Variants in LRP1B observed in about 807,000 individuals in gnomAD.
The protein encoded by LRP1B is low-density lipoprotein receptor-related protein 1B.
A neutral mutation model predicts 556.6 loss-of-function variants in LRP1B; 217 were observed. That is an observed-to-expected ratio of 0.39 (90% CI 0.35 to 0.44). LRP1B has a LOEUF of 0.44. Among genes scored for constraint, LRP1B ranks in the 20% least tolerant of loss-of-function variants. LRP1B has a pLI of 1.00. For missense variants in LRP1B, 5,053 were observed against 5,620.8 expected, an observed-to-expected ratio of 0.90 and a Z score of 3.23; for synonymous variants, 2,047 against 1,865.8, an observed-to-expected ratio of 1.10 and a Z score of -2.50.
intron 16 of LRP1B, among the ~76,000 whole-genome samples, chr2:140,989,934 G>A (rs1359313266): frequency 6.6e-6 from 1 of 152,054 alleles, no homozygotes; most frequent in Non-Finnish European, 1.5e-5. Flanking sequence ...GGCCAGGCGT[G>A]GTGGCTCACG....
intron 32 of LRP1B, among the ~76,000 whole-genome samples, chr2:140,795,323 T>G (rs1022999137): frequency 6.6e-6 from 1 of 152,182 alleles, no homozygotes; most frequent in Non-Finnish European, 1.5e-5. Context: ...CTGAGTACTG[T>G]TCATTTTTGA....
intron 90 of LRP1B, 126 bp downstream of exon 90, chr2:140,234,660 C>T: frequency 1.7e-6 from 1 of 584,642 alleles, no homozygotes. Context: ...AATTTAAATG[C>T]TATTTTGAAA....
chr2:140,429,874 A>T (rs1178186848), intron 66 of LRP1B, among the ~76,000 whole-genome samples: 1 of 151,580 alleles, frequency 6.6e-6, no homozygotes, highest in African/African-American at 2.4e-5. Context: ...AACTTCCAAA[A>T]TCTATTTTCT....
intron 52 of LRP1B, among the ~76,000 whole-genome samples, chr2:140,508,492 G>T (rs1689514741): frequency 6.6e-6 from 1 of 152,012 alleles, no homozygotes; most frequent in African/African-American, 2.4e-5. Flanking sequence ...ACACATAAGG[G>T]TTTTTAAAAT....
At chr2:141,013,142 T>TA (rs1427244898) in intron 14 of LRP1B, among the ~76,000 whole-genome samples, 1 of 151,988 alleles carries the variant, frequency 6.6e-6, no homozygotes, top group African/African-American at 2.4e-5. Flanking sequence ...TAAGATACTT[T>TA]TAAAAAATAA....
chr2:141,160,076 T>C (rs190028718), intron 7 of LRP1B, among the ~76,000 whole-genome samples: 1 of 151,984 alleles, frequency 6.6e-6, no homozygotes, highest in Non-Finnish European at 1.5e-5. Context: ...GTAACAAACC[T>C]GCATGTTCTG....
intron 3 of LRP1B, among the ~76,000 whole-genome samples, chr2:141,409,511 G>T (rs1352513906): frequency 6.6e-6 from 1 of 152,050 alleles, no homozygotes; most frequent in East Asian, 1.9e-4. Flanking sequence ...CTTCCACAGA[G>T]TATAAAACCC....
chr2:140,944,570 C>T (rs1338371579), intron 20 of LRP1B, among the ~76,000 whole-genome samples: 4 of 152,102 alleles, frequency 2.6e-5, no homozygotes, highest in Non-Finnish European at 1.5e-5. Flanking sequence ...CCATCGTGAT[C>T]AGTAGGCTTT....
At position 141,332,210 on chromosome 2, in the gene LRP1B, T is replaced by C. The variant is rs930979923; in HGVS notation, c.344-77569A>G. 1.1e-3 allele frequency among the ~76,000 whole-genome samples: 164 copies of C among 152,202 alleles called. 1 individual carries two copies. Among genetic ancestry groups the C allele is most frequent in the African/African-American group, 3.7e-3 (155 of 41,552 alleles). ...ACCTATTTCCTAACACAAATCCTGA[T>C]GACTTGTTACATTAATTAATTTACT... is the stretch of plus-strand genomic sequence containing the variant. On this transcript the variant is annotated intron_variant, in intron 3 of 90. Coordinates refer to ENST00000389484, the MANE Select transcript of LRP1B (RefSeq NM_018557.3).
At chr2:140,530,673 A>G (rs903945665) in intron 47 of LRP1B, among the ~76,000 whole-genome samples, 11 of 152,174 alleles carry the variant, frequency 7.2e-5, no homozygotes, top group African/African-American at 2.7e-4. Flanking sequence ...ATTTCTATTA[A>G]GTAATAAAGT....
At chr2:141,516,694 T>TC (rs1684324688) in intron 2 of LRP1B, among the ~76,000 whole-genome samples, 1 of 43,562 alleles carries the variant, frequency 2.3e-5, no homozygotes, top group African/African-American at 7.9e-5. Flanking sequence ...CTCTCTCTCT[T>TC]TTTTTTTTTT....
intron 50 of LRP1B, among the ~76,000 whole-genome samples, chr2:140,516,511 T>C (rs1258801530): frequency 1.3e-5 from 2 of 152,012 alleles, no homozygotes; most frequent in African/African-American, 4.8e-5. Context: ...ATACCAATAA[T>C]AGGTGGGGGA....
At chr2:140,362,187 A>C (rs1319605050) in intron 72 of LRP1B, among the ~76,000 whole-genome samples, 1 of 151,560 alleles carries the variant, frequency 6.6e-6, no homozygotes, top group African/African-American at 2.4e-5. Context: ...AATCCTTTCT[A>C]TCCCATATTT....
chr2:141,256,105 T>A (rs942597786), intron 3 of LRP1B, among the ~76,000 whole-genome samples: 15 of 151,828 alleles, frequency 9.9e-5, no homozygotes, highest in African/African-American at 3.4e-4. Flanking sequence ...AAAACACATA[T>A]GCTAAATAAA....
In LRP1B at chr2:140,853,681, A is replaced by G. The variant is rs551224329; in HGVS notation, c.4580-1898T>C. Among the ~76,000 whole-genome samples, 532 of 63,824 alleles carry G rather than the reference A, an allele frequency of 8.3e-3. 4 individuals carry two copies. The highest frequency in any genetic ancestry group is 0.016 in the Non-Finnish European group (390 of 24,436). The allele number at this position is 63,824 out of a possible 152,430, so 41.9% of individuals were successfully genotyped here. On this transcript the variant is annotated intron_variant, in intron 27 of 90. Coordinates refer to ENST00000389484, the MANE Select transcript of LRP1B (RefSeq NM_018557.3). ...AAGTAATAGTGTCTTTGTATTTGTT[A>G]AAAACAATAAATAAATAAAGGAGAA... is the stretch of plus-strand genomic sequence containing the variant.
At chr2:141,669,347 C>A (rs571713068) in intron 2 of LRP1B, among the ~76,000 whole-genome samples, 8 of 152,280 alleles carry the variant, frequency 5.3e-5, no homozygotes, top group African/African-American at 1.9e-4. Flanking sequence ...CCAACCCTGA[C>A]AACACCTTAG....
intron 79 of LRP1B, among the ~76,000 whole-genome samples, chr2:140,329,218 G>A (rs16843788): frequency 0.12 from 18,232 of 151,910 alleles, 1,122 homozygotes; most frequent in Middle Eastern, 0.15. Flanking sequence ...GCACAGAGCA[G>A]ACAACAAAAG....
intron 41 of LRP1B, among the ~76,000 whole-genome samples, chr2:140,605,579 T>C (rs578242669): frequency 5.3e-5 from 8 of 151,940 alleles, no homozygotes; most frequent in Non-Finnish European, 1.0e-4. Context: ...CTTGCTTGCT[T>C]GCTTCTCTTT....
intron 3 of LRP1B, among the ~76,000 whole-genome samples, chr2:141,322,218 C>A (rs550298610): frequency 6.6e-6 from 1 of 152,018 alleles, no homozygotes; most frequent in African/African-American, 2.4e-5. Flanking sequence ...AGAGGACAGA[C>A]GTACTCCTCT....
Sources: gnomAD v4.1 joint callset for allele counts (sites outside exome capture counted in the v4.1 genomes callset) on GRCh38, gnomAD v4.1.1 for gene constraint, MANE v1.5 for transcripts, NCBI Gene and HGNC (gene_info 2026-07-23, HGNC 2026-07-21) for gene names.